PADI6: variants seen among roughly 807,000 people sequenced by gnomAD.
PADI6 encodes peptidyl arginine deiminase 6.
A neutral mutation model predicts 78.2 loss-of-function variants in PADI6; 66 were observed. That is an observed-to-expected ratio of 0.84 (90% CI 0.69 to 1.04). PADI6 has a LOEUF of 1.04. Among genes scored for constraint, PADI6 ranks in the 50% least tolerant of loss-of-function variants. The probability of loss-of-function intolerance (pLI) is 0.00; values close to 1 mark genes in which losing one functional copy is unlikely to be tolerated. For synonymous variants in PADI6, 397 were observed against 346.9 expected (o/e 1.14, Z -1.60); for missense variants, 854 against 866.1 (o/e 0.99, Z 0.18).
intron 14 of PADI6, 32 bp from the exon 15 acceptor site, chr1:17,398,654 G>A (rs868066321): frequency 1.5e-4 from 26 of 177,790 alleles, no homozygotes; most frequent in Admixed American, 4.5e-4. Context: ...TTGCTCCCCC[G>A]CCCCCCCCCC....
rs753517226 is a variant in PADI6 at position 17,387,457 on chromosome 1, GA to G, written c.680-923del. ...AGGACTCCACCTCAAAAAAGAAAAG[GA>G]GGGGGGGGGGCCAGGCGTGGTAGCT... On this transcript the variant is annotated intron_variant, in intron 6 of 15. Coordinates refer to ENST00000619609, the MANE Select transcript of PADI6 (RefSeq NM_207421.4). Among the ~76,000 whole-genome samples the G allele has an allele frequency of 3.6e-3, 520 of 143,296 alleles. 3 individuals carry two copies. The highest frequency in any genetic ancestry group is 7.5e-3 in the Admixed American group (109 of 14,594). 94.0% of individuals were successfully genotyped at this position (143,296 alleles called of 152,430 possible).
At chr1:17,378,535 A>G (rs74058758) in intron 3 of PADI6, among the ~76,000 whole-genome samples, 1,847 of 152,282 alleles carry the variant, frequency 0.012, 37 homozygotes, top group African/African-American at 0.041. Context: ...GGGAGGTGGT[A>G]TGCTAAGGAG....
intron 10 of PADI6, 96 bp downstream of exon 10, chr1:17,394,178 A>C: frequency 6.6e-7 from 1 of 1,517,932 alleles, no homozygotes; most frequent in Non-Finnish European, 9.0e-7. Context: ...GAGAGGGCCC[A>C]GGTGGCCTCT....
chr1:17,398,658 C>CTG, intron 14 of PADI6, 28 bp from the exon 15 acceptor site: 3 of 112,860 alleles, frequency 2.7e-5, no homozygotes, highest in Non-Finnish European at 3.4e-5. Context: ...TCCCCCGCCC[C>CTG]CCCCCCCACC....
intron 6 of PADI6, among the ~76,000 whole-genome samples, chr1:17,385,295 C>A (rs1252225163): frequency 1.3e-5 from 2 of 152,140 alleles, no homozygotes; most frequent in Non-Finnish European, 2.9e-5. Flanking sequence ...CAAGAGTGAG[C>A]TTTAAAGACC....
chr1:17,394,642 A>AGGGTTT (rs1057132468), intron 11 of PADI6, among the ~76,000 whole-genome samples, 188 bp downstream of exon 11: 3 of 152,138 alleles, frequency 2.0e-5, no homozygotes, highest in Admixed American at 2.0e-4. Context: ...CTTTGATTCC[A>AGGGTTT]GGGTTTAAAC....
rs768075712 is a variant in PADI6, at chr1:17,395,534, T to C, written c.1495-6T>C. 5.2e-6 allele frequency: 8 copies of C among 1,551,172 alleles called. No homozygotes were observed. Among genetic ancestry groups the C allele is most frequent in the Non-Finnish European group, 7.0e-6 (8 of 1,146,854 alleles). Reference sequence around the variant, plus strand: ...GCTGGCTTCTGACCCAAGTTCTGTTTCCCAGGGCTTCCTGCTGCTCCTGGC... The same window carrying C: ...GCTGGCTTCTGACCCAAGTTCTGTTCCCCAGGGCTTCCTGCTGCTCCTGGC... On this transcript the variant is annotated splice_region_variant and splice_polypyrimidine_tract_variant and intron_variant, in intron 12 of 15. Transcript: ENST00000619609.
intron 15 of PADI6, 107 bp from the exon 16 acceptor site, chr1:17,401,098 G>A (rs939797360): frequency 1.2e-5 from 12 of 968,746 alleles, no homozygotes; most frequent in Admixed American, 7.5e-5. Context: ...TGGAGGAGGC[G>A]GCTGCCTGCC....
chr1:17,375,697 C>T (rs922276123), intron 3 of PADI6, among the ~76,000 whole-genome samples, 198 bp downstream of exon 3: 2 of 152,234 alleles, frequency 1.3e-5, no homozygotes. Flanking sequence ...CGCTCAGTCA[C>T]TTCTCCATCT....
At chr1:17,395,803 T>A in intron 13 of PADI6, 140 bp downstream of exon 13, 1 of 1,191,588 alleles carries the variant, frequency 8.4e-7, no homozygotes, top group Non-Finnish European at 1.1e-6. Flanking sequence ...TATTAGAACG[T>A]CTTATTTCTG....
intron 14 of PADI6, among the ~76,000 whole-genome samples, chr1:17,397,568 T>C (rs2075259155): frequency 6.6e-6 from 1 of 152,090 alleles, no homozygotes; most frequent in Non-Finnish European, 1.5e-5. Flanking sequence ...CTGGATCTTT[T>C]CCCCCAAGCT....
chr1:17,389,940 G>A (rs2075165974), intron 8 of PADI6, among the ~76,000 whole-genome samples: 1 of 152,032 alleles, frequency 6.6e-6, no homozygotes, highest in African/African-American at 2.4e-5. Context: ...AGGCTTTTTT[G>A]TTTTTTTAAG....
chr1:17,387,648 G>A (rs2075135007), intron 6 of PADI6, among the ~76,000 whole-genome samples: 2 of 152,158 alleles, frequency 1.3e-5, no homozygotes, highest in South Asian at 4.1e-4. Context: ...CAGCTACTCA[G>A]GAAGCTGAGG....
intron 12 of PADI6, 124 bp from the exon 13 acceptor site, chr1:17,395,416 C>G: frequency 8.0e-7 from 1 of 1,245,148 alleles, no homozygotes; most frequent in South Asian, 1.5e-5. Context: ...GTTGGCCAGG[C>G]TGGTCTCGAA....
chr1:17,394,146 AAAT>A (rs1322167848), intron 10 of PADI6, 64 bp downstream of exon 10: 1 of 1,574,148 alleles, frequency 6.4e-7, no homozygotes, highest in Non-Finnish European at 8.7e-7. Flanking sequence ...GCCTGCCTAG[AAAT>A]AATGGGGCAC....
intron 8 of PADI6, among the ~76,000 whole-genome samples, chr1:17,389,689 G>A (rs1002667846): frequency 6.6e-6 from 1 of 152,210 alleles, no homozygotes; most frequent in Non-Finnish European, 1.5e-5. Context: ...GGATCCTGAA[G>A]GCAGAACCAG....
At chr1:17,387,572 GA>G (rs904083827) in intron 6 of PADI6, among the ~76,000 whole-genome samples, 1 of 152,032 alleles carries the variant, frequency 6.6e-6, no homozygotes, top group Non-Finnish European at 1.5e-5. Flanking sequence ...ACGAGACGGT[GA>G]AATCCCGTCT....
At position 17,401,258 on chromosome 1, in the gene PADI6, C is replaced by T; in HGVS notation, c.1905C>T (p.Pro635=). The stretch of plus-strand genomic sequence containing the variant: ...TGGGGATCCCCAAGCCTTTTGGGCC[C>T]CAAATCAAGGGGACCTGCTGCCTGG... The part of the protein sequence containing the change: ...KNLGIPKPFG[P]QIKGTCCLEE... Residue 635 remains proline (P), a synonymous_variant, in exon 16 of 16, where the codon CCC becomes CCT. Transcript: ENST00000619609. The T allele has an allele frequency of 6.2e-7, 1 of 1,614,040 alleles. No homozygotes were observed.
chr1:17,394,072 A>G lies in PADI6; in HGVS notation c.1172A>G (p.Lys391Arg). The G allele has an allele frequency of 1.2e-6, 2 of 1,613,464 alleles. No homozygotes were observed. Among genetic ancestry groups the G allele is most frequent in the Non-Finnish European group, 1.7e-6 (2 of 1,179,430 alleles). Reference sequence around the variant, plus strand: ...GCCGATCTCGATGAGTTCCCCATGAAGTACTCACTGGTGTGGAACTTGGTT... The same window carrying G: ...GCCGATCTCGATGAGTTCCCCATGAGGTACTCACTGGTGTGGAACTTGGTT... ...QAADLDEFPM[K>R]YSLSPGIGYM... The change falls in exon 10 of 16, where the codon AAG (lysine) becomes AGG (arginine). Residue 391 changes from lysine (K) to arginine (R), a missense_variant. Coordinates refer to ENST00000619609, the MANE Select transcript of PADI6 (RefSeq NM_207421.4).
Sources: allele counts gnomAD v4.1 joint callset (sites outside exome capture counted in the v4.1 genomes callset), GRCh38; gene constraint gnomAD v4.1.1; transcripts MANE v1.5; gene names NCBI Gene and HGNC (gene_info 2026-07-23, HGNC 2026-07-21).